Variants in NOVA1 observed in about 807,000 individuals in gnomAD.
NOVA1 encodes the protein NOVA alternative splicing regulator 1, also known as RNA-binding protein Nova-1.
Under a neutral mutation model 38.0 loss-of-function variants are expected in NOVA1, and 7 were observed. The ratio of observed to expected loss-of-function variants is 0.18; its 90% CI spans 0.10 to 0.35. The LOEUF (loss-of-function observed/expected upper bound fraction) is 0.35, where lower values mean the gene tolerates loss of function less well. Ranked by LOEUF, NOVA1 falls within the 10% of genes least tolerant of loss-of-function variation. The pLI is 1.00. For missense variants in NOVA1, 460 were observed against 616.0 expected (o/e 0.75, Z 2.68); for synonymous variants, 270 against 232.5 (o/e 1.16, Z -1.47).
intron 2 of NOVA1, among the ~76,000 whole-genome samples, chr14:26,533,442 T>C (rs1250858208): frequency 2.0e-5 from 3 of 152,200 alleles, no homozygotes; most frequent in African/African-American, 7.2e-5. Context: ...GAATGAACAT[T>C]ATTAACAGTC....
chr14:26,453,170 ATG>A (rs1882849490), intron 4 of NOVA1, among the ~76,000 whole-genome samples: 1 of 28,166 alleles, frequency 3.6e-5, no homozygotes, highest in African/African-American at 6.6e-5. Context: ...TCAATTATGT[ATG>A]TATGTATGTA....
chr14:26,554,711 G>A (rs1891378931), intron 2 of NOVA1, among the ~76,000 whole-genome samples: 1 of 152,060 alleles, frequency 6.6e-6, no homozygotes, highest in Admixed American at 6.5e-5. Flanking sequence ...AATTCATACT[G>A]TATTATAAAA....
At chr14:26,488,693 C>T (rs1460527028) in intron 2 of NOVA1, among the ~76,000 whole-genome samples, 1 of 152,062 alleles carries the variant, frequency 6.6e-6, no homozygotes, top group Non-Finnish European at 1.5e-5. Flanking sequence ...TCCACAATTA[C>T]AGAAATATAA....
chr14:26,532,996 T>C (rs1414539829), intron 2 of NOVA1, among the ~76,000 whole-genome samples: 1 of 152,212 alleles, frequency 6.6e-6, no homozygotes, highest in East Asian at 1.9e-4. Context: ...AATAGATAAC[T>C]TTGGTTTCTA....
At chr14:26,488,030 T>C (rs181499053) in intron 2 of NOVA1, among the ~76,000 whole-genome samples, 15 of 152,238 alleles carry the variant, frequency 9.9e-5, no homozygotes, top group Non-Finnish European at 1.6e-4. Flanking sequence ...GAGGAGAAAA[T>C]ACACTATTTC....
At chr14:26,484,428 GAAAAAAAAAAAA>G (rs869087238) in intron 2 of NOVA1, among the ~76,000 whole-genome samples, 10 of 56,460 alleles carry the variant, frequency 1.8e-4, no homozygotes, top group South Asian at 1.1e-3. Context: ...ACTCCGTCTC[GAAAAAAAAAAAA>G]AAAAAAAAAA....
At chr14:26,473,603 G>A (rs1379449014) in intron 3 of NOVA1, among the ~76,000 whole-genome samples, 1 of 151,732 alleles carries the variant, frequency 6.6e-6, no homozygotes, top group Admixed American at 6.6e-5. Flanking sequence ...GTACAATAAA[G>A]CCATTAAGAG....
At chr14:26,537,317 C>A (rs1205795161) in intron 2 of NOVA1, among the ~76,000 whole-genome samples, 1 of 151,804 alleles carries the variant, frequency 6.6e-6, no homozygotes, top group Non-Finnish European at 1.5e-5. Flanking sequence ...AATATGTAAT[C>A]AAACTAGAAA....
intron 2 of NOVA1, among the ~76,000 whole-genome samples, chr14:26,586,093 G>A (rs1290775924): frequency 6.6e-6 from 1 of 151,298 alleles, no homozygotes; most frequent in Non-Finnish European, 1.5e-5. Context: ...CAAGAAGGAT[G>A]CCATAAATTC....
At chr14:26,487,741 T>TA (rs1017822736) in intron 2 of NOVA1, among the ~76,000 whole-genome samples, 17 of 152,276 alleles carry the variant, frequency 1.1e-4, no homozygotes, top group African/African-American at 3.8e-4. Flanking sequence ...GATGTTTCTT[T>TA]AAAAAGCATT....
chr14:26,585,191 C>T (rs568846600), intron 2 of NOVA1, among the ~76,000 whole-genome samples: 1 of 151,422 alleles, frequency 6.6e-6, no homozygotes, highest in African/African-American at 2.4e-5. Flanking sequence ...TCATGTATCT[C>T]TTTAAATTGC....
intron 2 of NOVA1, among the ~76,000 whole-genome samples, chr14:26,578,160 A>C (rs1296623186): frequency 6.6e-6 from 1 of 152,174 alleles, no homozygotes; most frequent in Non-Finnish European, 1.5e-5. Flanking sequence ...CTGAATAAAA[A>C]GTATAGAAGC....
rs74606661 is a variant in NOVA1 at position 26,525,869 on chromosome 14, C to T, written c.281-45726G>A. Among the ~76,000 whole-genome samples, 658 of 152,100 alleles carry T rather than the reference C, an allele frequency of 4.3e-3. 3 individuals are homozygous for T. The highest frequency in any genetic ancestry group is 5.2e-3 in the Non-Finnish European group (353 of 67,950). ...AAATTAATATATTTGTCTTGAGGGG[C>T]GTCAGGGATCATTTTAAATATAGTA... is the stretch of plus-strand genomic sequence containing the variant. On this transcript the variant is annotated intron_variant, in intron 2 of 4. Transcript: ENST00000539517.
At chr14:26,505,799 CAT>C (rs576143183) in intron 2 of NOVA1, among the ~76,000 whole-genome samples, 18 of 152,214 alleles carry the variant, frequency 1.2e-4, no homozygotes, top group East Asian at 1.9e-4. Flanking sequence ...TTCATTAACA[CAT>C]GTTAACAAAT....
rs1197926983 is a variant in NOVA1, at chr14:26,553,357, T to C, written c.280+42053A>G. ...CCAGAAGTGCCTTCTCCTGTCCCCATCATGAGGCAATCATCAGAGTTTGCT... is the reference window on the plus strand; with the variant it reads ...CCAGAAGTGCCTTCTCCTGTCCCCACCATGAGGCAATCATCAGAGTTTGCT... On this transcript the variant is annotated intron_variant, in intron 2 of 4. Coordinates refer to ENST00000539517, the MANE Select transcript of NOVA1 (RefSeq NM_002515.3). Among the ~76,000 whole-genome samples, 6 of 152,212 alleles carry C rather than the reference T, an allele frequency of 3.9e-5. 1 individual carries two copies. The highest frequency in any genetic ancestry group is 2.0e-4 in the Admixed American group (3 of 15,286).
chr14:26,597,152 G>C, intron 1 of NOVA1, 149 bp downstream of exon 1: 1 of 1,204,962 alleles, frequency 8.3e-7, no homozygotes, highest in Non-Finnish European at 1.0e-6. Context: ...GGGGGCGCGG[G>C]GCAGGGGCGC....
At chr14:26,593,891 A>G (rs1307466933) in intron 2 of NOVA1, 1 of 151,930 alleles carries the variant, frequency 6.6e-6, no homozygotes, top group Non-Finnish European at 1.5e-5. Context: ...TATAATGCAA[A>G]AAAGCTATTT....
chr14:26,543,091 C>T (rs944660415), intron 2 of NOVA1, among the ~76,000 whole-genome samples: 1 of 151,940 alleles, frequency 6.6e-6, no homozygotes, highest in African/African-American at 2.4e-5. Context: ...TGATGGATAT[C>T]CCAATTGTCC....
chr14:26,555,563 T>C (rs1891432117), intron 2 of NOVA1, among the ~76,000 whole-genome samples: 1 of 152,126 alleles, frequency 6.6e-6, no homozygotes, highest in African/African-American at 2.4e-5. Context: ...GTTCTAAATT[T>C]ATACGTTTTT....
Sources: gnomAD v4.1 joint callset for allele counts (sites outside exome capture counted in the v4.1 genomes callset) on GRCh38, gnomAD v4.1.1 for gene constraint, MANE v1.5 for transcripts, NCBI Gene and HGNC (gene_info 2026-07-23, HGNC 2026-07-21) for gene names.